The following GABBR2 variants were observed in gnomAD, a reference collection of about 807,000 sequenced individuals.
GABBR2 encodes the protein gamma-aminobutyric acid type B receptor subunit 2, also known as G-protein coupled receptor 51.
A neutral mutation model predicts 105.6 loss-of-function variants in GABBR2; 23 were observed. The observed-to-expected ratio is 0.22, with a 90% CI of 0.16 to 0.31. GABBR2 has a LOEUF of 0.31. Among genes scored for constraint, GABBR2 ranks in the 10% least tolerant of loss-of-function variants. GABBR2 has a pLI of 1.00. For missense variants in GABBR2, 734 were observed against 1,245.5 expected (o/e 0.59, Z 6.18); for synonymous variants, 478 against 499.7 (o/e 0.96, Z 0.58).
At chr9:98,450,439 T>C (rs1261451527) in intron 7 of GABBR2, among the ~76,000 whole-genome samples, 1 of 152,088 alleles carries the variant, frequency 6.6e-6, no homozygotes. Context: ...TATTAATATG[T>C]GACAAAGGAG....
chr9:98,385,887 G>T, intron 10 of GABBR2, 115 bp from the exon 11 acceptor site: 1 of 788,138 alleles, frequency 1.3e-6, no homozygotes, highest in Admixed American at 2.3e-5. Flanking sequence ...AGAGGGGAGA[G>T]AGAGAAACAG....
intron 1 of GABBR2, among the ~76,000 whole-genome samples, chr9:98,620,713 C>T (rs1829657503): frequency 6.6e-6 from 1 of 152,156 alleles, no homozygotes; most frequent in African/African-American, 2.4e-5. Flanking sequence ...TTCCTTTCTG[C>T]AGATGTTTTC....
At chr9:98,326,038 T>TCCTA (rs1199744143) in intron 13 of GABBR2, among the ~76,000 whole-genome samples, 1 of 152,142 alleles carries the variant, frequency 6.6e-6, no homozygotes, top group Non-Finnish European at 1.5e-5. Flanking sequence ...TGTGCGAAAT[T>TCCTA]CCAAAAATAG....
intron 18 of GABBR2, among the ~76,000 whole-genome samples, chr9:98,291,710 A>G (rs968423745): frequency 3.3e-5 from 5 of 152,074 alleles, no homozygotes; most frequent in African/African-American, 1.2e-4. Flanking sequence ...TCTGGCAGCC[A>G]GTTTCCCTGG....
rs762239276 is a variant in GABBR2, at chr9:98,578,010, C to T, written c.384G>A (p.Leu128=). Residue 128 remains leucine (L), a synonymous_variant, in exon 2 of 19, where the codon TTG becomes TTA. Coordinates refer to ENST00000259455, the MANE Select transcript of GABBR2 (RefSeq NM_005458.8). The part of the protein sequence containing the change: ...YDAIKYGPNH[L]MVFGGVCPSV... ...ATGGACAGACGCCTCCAAACACCAT[C>T]AAGTGGTTAGGCCCGTATTTTATTG... 6 of 1,613,884 alleles carry T rather than the reference C, an allele frequency of 3.7e-6. No individual in the cohort carries two copies. The Admixed American group carries it at 8.3e-5, about 22-fold the overall frequency.
intron 8 of GABBR2, among the ~76,000 whole-genome samples, chr9:98,405,046 C>CA (rs1832465174): frequency 6.6e-6 from 1 of 151,838 alleles, no homozygotes; most frequent in Non-Finnish European, 1.5e-5. Flanking sequence ...CCTCCCTATC[C>CA]AAAAAAATGC....
intron 2 of GABBR2, among the ~76,000 whole-genome samples, chr9:98,569,710 C>T (rs1231353973): frequency 6.6e-6 from 1 of 152,158 alleles, no homozygotes; most frequent in African/African-American, 2.4e-5. Flanking sequence ...GGCCCCTACC[C>T]CATCTGGTCT....
chr9:98,530,776 C>A (rs1223561274), intron 3 of GABBR2, among the ~76,000 whole-genome samples: 1 of 151,798 alleles, frequency 6.6e-6, no homozygotes, highest in East Asian at 1.9e-4. Context: ...GGAGGGTAAC[C>A]CCATCTCAAA....
chr9:98,706,032 C>T (rs961528892), intron 1 of GABBR2, among the ~76,000 whole-genome samples: 66 of 151,140 alleles, frequency 4.4e-4, no homozygotes, highest in South Asian at 2.1e-4. Context: ...GCCAAGATCA[C>T]GCCAATGCAC....
rs1564068096 is a variant in GABBR2 at position 98,436,332 on chromosome 9, A to ATATAT, written c.1236+17648_1236+17649insATATA. On this transcript the variant is annotated intron_variant, in intron 7 of 18. Coordinates refer to ENST00000259455, the MANE Select transcript of GABBR2 (RefSeq NM_005458.8). The stretch of plus-strand genomic sequence containing the variant: ...ATAAATATACCATATATATATATAT[A>ATATAT]CACACACACACACACCATATATATA... Among the ~76,000 whole-genome samples, 58 of 21,484 alleles carry ATATAT rather than the reference A, an allele frequency of 2.7e-3. 8 individuals carry two copies. Among genetic ancestry groups the ATATAT allele is most frequent in the East Asian group, 7.9e-3 (8 of 1,012 alleles). The allele number at this position is 21,484 out of a possible 152,430, so 14.1% of individuals were successfully genotyped here. A position where few individuals can be genotyped will look rare whatever the true frequency, so the allele number is the denominator to read the frequency against.
intron 1 of GABBR2, among the ~76,000 whole-genome samples, chr9:98,645,329 TGGG>T (rs1445730723): frequency 6.6e-5 from 10 of 152,118 alleles, no homozygotes; most frequent in African/African-American, 2.2e-4. Context: ...CGTCCAGCCT[TGGG>T]GAGTGGCAGG....
intron 12 of GABBR2, among the ~76,000 whole-genome samples, chr9:98,365,629 C>T (rs1178966524): frequency 6.6e-6 from 1 of 152,138 alleles, no homozygotes. Context: ...GAGTGCCTAC[C>T]CTGAGTCAGG....
At chr9:98,576,180 T>G (rs1828904957) in intron 2 of GABBR2, among the ~76,000 whole-genome samples, 1 of 152,192 alleles carries the variant, frequency 6.6e-6, no homozygotes, top group Admixed American at 6.5e-5. Context: ...CCTCAGCCAG[T>G]GCAAGTGGAA....
chr9:98,642,699 T>A lies in GABBR2; in HGVS notation c.322-64627A>T, dbSNP rs144741740. On this transcript the variant is annotated intron_variant, in intron 1 of 18. Coordinates refer to ENST00000259455, the MANE Select transcript of GABBR2 (RefSeq NM_005458.8). ...TTTAATGGAACAGAATAGGTGTGCA[T>A]CATACATAGGAAGTTTTCATTTTGT... Among the ~76,000 whole-genome samples the A allele has an allele frequency of 3.3e-3, 498 of 152,318 alleles. 2 individuals carry two copies. The highest frequency in any genetic ancestry group is 0.012 in the African/African-American group (479 of 41,576).
chr9:98,664,958 C>T (rs1313983852), intron 1 of GABBR2, among the ~76,000 whole-genome samples: 1 of 151,728 alleles, frequency 6.6e-6, no homozygotes. Context: ...AGACCCCCAT[C>T]TCTGCAAAAT....
chr9:98,436,996 G>A (rs1461950835), intron 7 of GABBR2, among the ~76,000 whole-genome samples: 1 of 152,094 alleles, frequency 6.6e-6, no homozygotes, highest in African/African-American at 2.4e-5. Flanking sequence ...AGAGTAACTG[G>A]GTAGAGGACA....
intron 3 of GABBR2, among the ~76,000 whole-genome samples, chr9:98,526,599 T>A (rs1376441772): frequency 1.3e-5 from 2 of 152,228 alleles, no homozygotes; most frequent in South Asian, 2.1e-4. Flanking sequence ...ATTATTTTTT[T>A]AAATCATTTG....
chr9:98,493,561 T>A (rs1827219560), intron 4 of GABBR2, among the ~76,000 whole-genome samples: 1 of 152,186 alleles, frequency 6.6e-6, no homozygotes. Flanking sequence ...ACCTTACTGA[T>A]TTTTATATTT....
intron 7 of GABBR2, among the ~76,000 whole-genome samples, chr9:98,419,182 A>G (rs1194453622): frequency 6.6e-6 from 1 of 152,244 alleles, no homozygotes; most frequent in Non-Finnish European, 1.5e-5. Flanking sequence ...AGGCAGGAAG[A>G]GAAAAAGATG....
Sources: allele counts gnomAD v4.1 joint callset (sites outside exome capture counted in the v4.1 genomes callset), GRCh38; gene constraint gnomAD v4.1.1; transcripts MANE v1.5; gene names NCBI Gene and HGNC (gene_info 2026-07-23, HGNC 2026-07-21).